SLK: variants seen among roughly 807,000 people sequenced by gnomAD.
The protein encoded by SLK is STE20-like serine/threonine-protein kinase.
A neutral mutation model predicts 147.7 loss-of-function variants in SLK; 67 were observed. The observed-to-expected ratio is 0.45, with a 90% CI of 0.37 to 0.56. SLK has a LOEUF of 0.56. SLK is among the 20% of genes least tolerant of loss of function. The pLI, the probability that SLK is intolerant of heterozygous loss-of-function variation, is 0.00. For synonymous variants in SLK, 441 were observed against 475.0 expected (o/e 0.93, Z 0.93); for missense variants, 1,136 against 1,438.8 (o/e 0.79, Z 3.41).
chr10:103,990,710 A>G lies in SLK; in HGVS notation c.186A>G (p.Ala62=). 1 of 1,571,510 alleles carries G rather than the reference A, an allele frequency of 6.4e-7. No homozygotes were observed. Among genetic ancestry groups the G allele is most frequent in the East Asian group, 2.4e-5 (1 of 41,408 alleles). ...QNKETSVLAA[A]KVIDTKSEEE... is the part of the protein sequence containing the mutation. ...AAGAGACCAGTGTTTTAGCTGCTGC[A>G]AAAGTGATTGACACTAAATCTGAAG... The change falls in exon 2 of 19, where the codon GCA becomes GCG. Residue 62 remains alanine, a synonymous_variant. Coordinates refer to ENST00000369755, the MANE Select transcript of SLK (RefSeq NM_014720.4).
At chr10:104,016,446 G>A (rs1469804187) in intron 13 of SLK, among the ~76,000 whole-genome samples, 1 of 152,024 alleles carries the variant, frequency 6.6e-6, no homozygotes, top group African/African-American at 2.4e-5. Flanking sequence ...TGGAGATTTT[G>A]CATCTCTTAA....
Position 103,967,292 on chromosome 10 carries a change from G to A in SLK, c.-454G>A, listed in dbSNP as rs887543903. On this transcript the variant is annotated 5_prime_UTR_variant, in exon 1 of 19. Transcript: ENST00000369755. ...AGGAGACCCTAGGCTCGCGGCCCGA[G>A]GCGGGAGGGCTCGGCTTCTCGACTG... The A allele has an allele frequency of 6.7e-6, 1 of 149,660 alleles. No homozygotes were observed. Among genetic ancestry groups the A allele is most frequent in the African/African-American group, 2.4e-5 (1 of 41,236 alleles). 9.3% of individuals were successfully genotyped at this position (149,660 alleles called of 1,614,324 possible).
At chr10:103,990,649 G>T in intron 1 of SLK, 26 bp from the exon 2 acceptor site, 1 of 1,444,150 alleles carries the variant, frequency 6.9e-7, no homozygotes, top group South Asian at 1.5e-5. Flanking sequence ...TTTGAAATGT[G>T]ACACTTCTGA....
At chr10:103,983,402 G>A (rs773035782) in intron 1 of SLK, among the ~76,000 whole-genome samples, 2 of 152,072 alleles carry the variant, frequency 1.3e-5, no homozygotes, top group Non-Finnish European at 2.9e-5. Context: ...CTGTACCTTA[G>A]CTCTCCCATC....
intron 4 of SLK, among the ~76,000 whole-genome samples, chr10:103,995,402 C>CT (rs1453080975): frequency 1.6e-5 from 2 of 126,066 alleles, no homozygotes; most frequent in African/African-American, 6.0e-5. Flanking sequence ...TTAACCATTT[C>CT]TTTTTTCTTT....
intron 17 of SLK, among the ~76,000 whole-genome samples, chr10:104,020,968 T>A (rs805673): frequency 0.2 from 29,927 of 152,076 alleles, 3,130 homozygotes; most frequent in African/African-American, 0.26. Context: ...TGTCAGATTC[T>A]AAATTTAAAA....
rs1193247831 is a variant in SLK, at chr10:104,019,817, C to T, written c.3216C>T (p.Pro1072=). ...NRQTQERARL[P]KIQRSEAKTR... ...AGACTCAAGAAAGAGCAAGACTGCC[C>T]AAGATTCAGCGCAGTGAAGCCAAGA... Residue 1072 remains proline (P), a synonymous_variant, in exon 16 of 19, where the codon CCC becomes CCT. Coordinates refer to ENST00000369755, the MANE Select transcript of SLK (RefSeq NM_014720.4). The T allele has an allele frequency of 6.2e-7, 1 of 1,613,930 alleles. No homozygotes were observed. The highest frequency in any genetic ancestry group is 8.5e-7 in the Non-Finnish European group (1 of 1,179,832).
intron 7 of SLK, 78 bp from the exon 8 acceptor site, chr10:104,001,356 TACCACATAAG>T (rs1198019690): frequency 2.9e-6 from 3 of 1,026,746 alleles, no homozygotes; most frequent in Non-Finnish European, 4.4e-6. Context: ...TCATATTTTT[TACCACATAAG>T]AATGTGTGTT....
intron 13 of SLK, among the ~76,000 whole-genome samples, chr10:104,014,405 T>A (rs184531463): frequency 6.6e-6 from 1 of 152,204 alleles, no homozygotes; most frequent in Non-Finnish European, 1.5e-5. Context: ...CATTTAACAC[T>A]GTAATTTTTG....
chr10:103,991,569 T>A (rs941451414), intron 2 of SLK, among the ~76,000 whole-genome samples: 2 of 152,036 alleles, frequency 1.3e-5, no homozygotes, highest in Admixed American at 6.6e-5. Flanking sequence ...TTTATCCCAG[T>A]GCTGCCACTT....
At chr10:104,004,735 C>T (rs1291285104) in intron 9 of SLK, among the ~76,000 whole-genome samples, 2 of 152,148 alleles carry the variant, frequency 1.3e-5, no homozygotes, top group Admixed American at 1.3e-4. Context: ...CCCTTTCTTC[C>T]ATATCAACAC....
rs915391334 is a variant in SLK at position 103,990,827 on chromosome 10, G to C, written c.303G>C (p.Glu101Asp). The C allele has an allele frequency of 6.6e-7, 1 of 1,509,290 alleles. No homozygotes were observed. Among genetic ancestry groups the C allele is most frequent in the African/African-American group, 1.4e-5 (1 of 69,246 alleles). The allele number at this position is 1,509,290 out of a possible 1,614,324, so 93.5% of individuals were successfully genotyped here. The change falls in exon 2 of 19, where the codon GAG becomes GAC. Residue 101 changes from glutamate to aspartate, a missense_variant. By Grantham distance (45) the Glu-to-Asp change is conservative (BLOSUM62 2). Coordinates refer to ENST00000369755, the MANE Select transcript of SLK (RefSeq NM_014720.4). ...AGCTTCTAGATGCCTTCTATTATGAGAACAATCTTTGGGTAAGTATTTTCT... is the reference window on the plus strand; with the variant it reads ...AGCTTCTAGATGCCTTCTATTATGACAACAATCTTTGGGTAAGTATTTTCT... ...IVKLLDAFYYENNLWILIEFC... is the reference protein window; with the variant it reads ...IVKLLDAFYYDNNLWILIEFC...
intron 13 of SLK, among the ~76,000 whole-genome samples, chr10:104,011,931 A>G (rs1274505006): frequency 6.6e-6 from 1 of 152,242 alleles, no homozygotes; most frequent in Non-Finnish European, 1.5e-5. Flanking sequence ...TCACATGACA[A>G]GTCTTTCATA....
In SLK at chr10:103,967,220, C is replaced by G. The variant is rs1738977728; in HGVS notation, c.-526C>G. 6.6e-6 allele frequency: 1 copy of G among 152,096 alleles called. No individual in the cohort carries two copies. The highest frequency in any genetic ancestry group is 2.0e-4 in the South Asian group (1 of 4,964). 9.4% of individuals were successfully genotyped at this position (152,096 alleles called of 1,614,324 possible). A position where few individuals can be genotyped will look rare whatever the true frequency, so the allele number is the denominator to read the frequency against. The stretch of plus-strand genomic sequence containing the variant: ...CAGGCGGCGGCGGCGGCGCCCCAGA[C>G]CCGAGGGGACGCGCGGGCCTTGCGC... On this transcript the variant is annotated 5_prime_UTR_variant, in exon 1 of 19. Transcript: ENST00000369755.
chr10:104,018,506 T>G (rs984662420), intron 14 of SLK, among the ~76,000 whole-genome samples: 4 of 152,330 alleles, frequency 2.6e-5, no homozygotes, highest in African/African-American at 9.6e-5. Context: ...CCCTAACAAA[T>G]TAGCTTAGAT....
rs1026917228 is a variant in SLK at position 104,001,378 on chromosome 10, T to C, written c.865-66T>C. ...TTTTACCACATAAGAATGTGTGTTGTGTGTGTTTGAAACTTAGTTTAGTAG... is the reference window on the plus strand; with the variant it reads ...TTTTACCACATAAGAATGTGTGTTGCGTGTGTTTGAAACTTAGTTTAGTAG... On this transcript the variant is annotated intron_variant, in intron 7 of 18. Coordinates refer to ENST00000369755, the MANE Select transcript of SLK (RefSeq NM_014720.4). 39 of 1,270,150 alleles carry C rather than the reference T, an allele frequency of 3.1e-5. No individual in the cohort carries two copies. The Admixed American group carries it at 4.4e-4, about 14-fold the overall frequency. The allele number at this position is 1,270,150 out of a possible 1,614,324, so 78.7% of individuals were successfully genotyped here.
At chr10:103,989,525 G>A (rs1363740600) in intron 1 of SLK, among the ~76,000 whole-genome samples, 1 of 138,348 alleles carries the variant, frequency 7.2e-6, no homozygotes, top group Non-Finnish European at 1.5e-5. Context: ...CTGGAGTGCA[G>A]TGGCGCAATT....
In SLK at chr10:104,005,571, G is replaced by C; in HGVS notation, c.2360G>C (p.Arg787Thr). 6.2e-7 allele frequency: 1 copy of C among 1,605,548 alleles called. No individual in the cohort carries two copies. The highest frequency in any genetic ancestry group is 8.5e-7 in the Non-Finnish European group (1 of 1,177,742). ...TAAAATCTCACTCAGGAAACAAGAAGACAAAAGAAAACATTGAAGAAAACA... is the reference window on the plus strand; with the variant it reads ...TAAAATCTCACTCAGGAAACAAGAACACAAAAGAAAACATTGAAGAAAACA... Reference protein sequence around the residue: ...SGSISLQETRRQKKTLKKTRK... With the variant: ...SGSISLQETRTQKKTLKKTRK... Residue 787 changes from arginine to threonine, a missense_variant, in exon 10 of 19, where the codon AGA (arginine) becomes ACA (threonine). Physicochemically the swap from Arg to Thr is moderately conservative, Grantham distance 71 (BLOSUM62 -1). Coordinates refer to ENST00000369755, the MANE Select transcript of SLK (RefSeq NM_014720.4).
At chr10:104,007,934 A>C (rs919232574) in intron 11 of SLK, among the ~76,000 whole-genome samples, 6 of 152,302 alleles carry the variant, frequency 3.9e-5, no homozygotes, top group African/African-American at 1.4e-4. Context: ...CCTGGGTGAC[A>C]GAGTGAGACC....
Sources: allele counts gnomAD v4.1 joint callset (sites outside exome capture counted in the v4.1 genomes callset), GRCh38; gene constraint gnomAD v4.1.1; transcripts MANE v1.5; gene names NCBI Gene and HGNC (gene_info 2026-07-23, HGNC 2026-07-21).